Variants in IMMP2L observed in about 807,000 individuals in gnomAD.
IMMP2L encodes inner mitochondrial membrane peptidase subunit 2, also known as mitochondrial inner membrane protease subunit 2.
In IMMP2L, 18 loss-of-function variants were observed where a neutral mutation model predicts 19.3. The observed-to-expected ratio is 0.93, with a 90% CI of 0.64 to 1.38. IMMP2L has a LOEUF of 1.38. Among genes scored for constraint, IMMP2L ranks in the 40% most tolerant of loss-of-function variants. The pLI, the probability that IMMP2L is intolerant of heterozygous loss-of-function variation, is 0.00. For missense variants in IMMP2L, 233 were observed against 218.2 expected (o/e 1.07, Z -0.43); for synonymous variants, 76 against 73.0 (o/e 1.04, Z -0.21).
At position 111,316,121 on chromosome 7, in the gene IMMP2L, GT is replaced by G. The variant is rs1247017013; in HGVS notation, c.239+171116del. Among the ~76,000 whole-genome samples, 8 of 152,100 alleles carry G rather than the reference GT, an allele frequency of 5.3e-5. No individual in the cohort carries two copies. In the East Asian group the frequency reaches 1.5e-3, roughly 29 times the overall value. ...TGTATCTAAACATAAAAAAGGTACA[GT>G]AAAAACATGGTATTATCCTCTTATG... is the stretch of plus-strand genomic sequence containing the variant. On this transcript the variant is annotated intron_variant, in intron 3 of 5. Coordinates refer to ENST00000405709, the MANE Select transcript of IMMP2L (RefSeq NM_032549.4).
At chr7:110,845,698 C>T (rs549890812) in intron 5 of IMMP2L, among the ~76,000 whole-genome samples, 1 of 152,214 alleles carries the variant, frequency 6.6e-6, no homozygotes, top group Non-Finnish European at 1.5e-5. Context: ...CACAAACTGT[C>T]TTCTCCCTTA....
At chr7:111,196,006 C>A (rs1039312356) in intron 3 of IMMP2L, among the ~76,000 whole-genome samples, 2 of 151,938 alleles carry the variant, frequency 1.3e-5, no homozygotes, top group South Asian at 4.2e-4. Flanking sequence ...GCTAGTACCA[C>A]AGGTGGGGTA....
intron 4 of IMMP2L, among the ~76,000 whole-genome samples, chr7:110,951,531 T>C (rs996636732): frequency 2.2e-5 from 3 of 134,892 alleles, no homozygotes; most frequent in African/African-American, 8.3e-5. Context: ...TTGCTGCATG[T>C]ATATATGGTG....
intron 3 of IMMP2L, among the ~76,000 whole-genome samples, chr7:111,294,730 C>T (rs917963637): frequency 9.9e-5 from 15 of 151,746 alleles, no homozygotes; most frequent in East Asian, 1.9e-4. Context: ...CAGATGCAAG[C>T]GCCATGTAAT....
intron 5 of IMMP2L, among the ~76,000 whole-genome samples, chr7:110,725,280 G>C (rs1795818075): frequency 6.6e-6 from 1 of 152,010 alleles, no homozygotes; most frequent in Non-Finnish European, 1.5e-5. Flanking sequence ...TATGATTTTA[G>C]TTACTAAAGA....
intron 3 of IMMP2L, among the ~76,000 whole-genome samples, chr7:111,484,946 C>T (rs543684788): frequency 6.6e-6 from 1 of 152,136 alleles, no homozygotes; most frequent in Non-Finnish European, 1.5e-5. Flanking sequence ...CATCACCAAA[C>T]CCGGCTAATT....
chr7:111,400,186 T>C (rs1833288797), intron 3 of IMMP2L, among the ~76,000 whole-genome samples: 1 of 152,108 alleles, frequency 6.6e-6, no homozygotes, highest in African/African-American at 2.4e-5. Flanking sequence ...TCTCAGATAT[T>C]TTATCACTAT....
chr7:111,217,359 C>G (rs115987174), intron 3 of IMMP2L, among the ~76,000 whole-genome samples: 6 of 152,204 alleles, frequency 3.9e-5, no homozygotes, highest in African/African-American at 1.2e-4. Context: ...GGCACCAGCA[C>G]TACTCCTAAT....
chr7:111,530,389 T>C (rs1847276273), intron 1 of IMMP2L, among the ~76,000 whole-genome samples: 1 of 152,138 alleles, frequency 6.6e-6, no homozygotes, highest in Non-Finnish European at 1.5e-5. Context: ...AATAAACCAA[T>C]AAAGCCCATC....
chr7:111,255,251 A>G (rs181193118), intron 3 of IMMP2L, among the ~76,000 whole-genome samples: 22 of 152,284 alleles, frequency 1.4e-4, no homozygotes, highest in Admixed American at 5.9e-4. Flanking sequence ...ACAAACTTGA[A>G]GTTCAAATTG....
chr7:111,029,373 G>C (rs534608986), intron 3 of IMMP2L, among the ~76,000 whole-genome samples: 1 of 152,234 alleles, frequency 6.6e-6, no homozygotes, highest in African/African-American at 2.4e-5. Flanking sequence ...GGGCCCTCTA[G>C]GGAAGTACTC....
intron 3 of IMMP2L, among the ~76,000 whole-genome samples, chr7:111,360,355 T>C (rs1369010892): frequency 2.0e-5 from 3 of 152,162 alleles, no homozygotes; most frequent in Non-Finnish European, 4.4e-5. Context: ...CCCATGAACC[T>C]TGCAGGGGGT....
intron 2 of IMMP2L, among the ~76,000 whole-genome samples, chr7:111,503,432 T>C (rs1844521392): frequency 6.6e-6 from 1 of 151,950 alleles, no homozygotes; most frequent in South Asian, 2.1e-4. Context: ...ACTATTCCAA[T>C]CAATAGAAAA....
At chr7:110,798,060 A>C (rs1450812471) in intron 5 of IMMP2L, among the ~76,000 whole-genome samples, 1 of 152,024 alleles carries the variant, frequency 6.6e-6, no homozygotes, top group Admixed American at 6.6e-5. Context: ...GCAATTAATC[A>C]CAAAGCCATA....
chr7:111,127,724 C>T (rs1288945699), intron 3 of IMMP2L, among the ~76,000 whole-genome samples: 1 of 152,134 alleles, frequency 6.6e-6, no homozygotes, highest in Non-Finnish European at 1.5e-5. Flanking sequence ...CAAAACACAA[C>T]TTTACCTATA....
At chr7:110,745,727 G>T (rs892588491) in intron 5 of IMMP2L, among the ~76,000 whole-genome samples, 4 of 152,168 alleles carry the variant, frequency 2.6e-5, no homozygotes, top group African/African-American at 9.7e-5. Context: ...CACCAGGCCT[G>T]CCCTACAGGA....
At chr7:111,099,851 T>C (rs1184372240) in intron 3 of IMMP2L, 1 of 151,670 alleles carries the variant, frequency 6.6e-6, no homozygotes, top group Non-Finnish European at 1.5e-5. Context: ...TTTGGGGTTT[T>C]TTTCCTGCTA....
intron 3 of IMMP2L, among the ~76,000 whole-genome samples, chr7:111,465,509 A>T (rs1241185558): frequency 6.6e-6 from 1 of 151,052 alleles, no homozygotes; most frequent in African/African-American, 2.4e-5. Flanking sequence ...ACTAAAAAAA[A>T]AAAAAAAAAA....
At chr7:111,358,119 G>A (rs1828899180) in intron 3 of IMMP2L, among the ~76,000 whole-genome samples, 1 of 149,080 alleles carries the variant, frequency 6.7e-6, no homozygotes, top group Non-Finnish European at 1.5e-5. Flanking sequence ...ATACCCTCTG[G>A]GTGCCTCACA....
Sources: allele counts gnomAD v4.1 joint callset (sites outside exome capture counted in the v4.1 genomes callset), GRCh38; gene constraint gnomAD v4.1.1; transcripts MANE v1.5; gene names NCBI Gene and HGNC (gene_info 2026-07-23, HGNC 2026-07-21).